Variants in SRPK2 observed in about 807,000 individuals in gnomAD.
SRPK2 encodes SRSF protein kinase 2.
SRPK2 carries 21 observed loss-of-function variants against 90.8 expected under a neutral mutation model. The observed-to-expected ratio is 0.23, with a 90% CI of 0.16 to 0.33. The LOEUF is 0.33. SRPK2 is among the 10% of genes least tolerant of loss of function. The probability of loss-of-function intolerance (pLI) is 1.00; values close to 1 mark genes in which losing one functional copy is unlikely to be tolerated. For synonymous variants in SRPK2, 288 were observed against 311.1 expected, an observed-to-expected ratio of 0.93 and a Z score of 0.78; for missense variants, 620 against 869.0, an observed-to-expected ratio of 0.71 and a Z score of 3.60.
chr7:105,241,681 A>T (rs1800834417), intron 2 of SRPK2, among the ~76,000 whole-genome samples: 1 of 152,140 alleles, frequency 6.6e-6, no homozygotes, highest in South Asian at 2.1e-4. Context: ...CTACAAATCT[A>T]TCATCACGCA....
chr7:105,143,484 G>T, intron 9 of SRPK2, 154 bp from the exon 10 acceptor site: 1 of 956,374 alleles, frequency 1.0e-6, no homozygotes, highest in Non-Finnish European at 1.5e-6. Context: ...TTGTGGTAAG[G>T]CTTACGATAA....
intron 2 of SRPK2, among the ~76,000 whole-genome samples, chr7:105,306,957 A>G (rs1005408043): frequency 1.3e-5 from 2 of 152,248 alleles, no homozygotes. Context: ...AGTTCTGAAT[A>G]GAGAATACAA....
intron 2 of SRPK2, among the ~76,000 whole-genome samples, chr7:105,350,171 C>G (rs1429433963): frequency 6.9e-6 from 1 of 145,426 alleles, no homozygotes; most frequent in Admixed American, 7.0e-5. Context: ...CTCTCTGTCA[C>G]CCAGACTGGA....
chr7:105,250,680 G>A (rs970321134), intron 2 of SRPK2, among the ~76,000 whole-genome samples: 13 of 152,116 alleles, frequency 8.5e-5, no homozygotes, highest in Admixed American at 6.5e-4. Flanking sequence ...ATTTAAATTG[G>A]AAGAATATTT....
chr7:105,170,885 AAG>A (rs1563025546), intron 3 of SRPK2, among the ~76,000 whole-genome samples: 56 of 129,570 alleles, frequency 4.3e-4, no homozygotes, highest in Admixed American at 1.2e-3. Flanking sequence ...GAAAGAAAGA[AAG>A]AAAGAAAGAA....
chr7:105,251,133 A>C (rs1802428924), intron 2 of SRPK2, among the ~76,000 whole-genome samples: 1 of 152,218 alleles, frequency 6.6e-6, no homozygotes, highest in African/African-American at 2.4e-5. Context: ...TGTTGAAATG[A>C]AGTAACTATA....
Position 105,229,696 on chromosome 7 carries a change from A to C in SRPK2, c.72-25911T>G, listed in dbSNP as rs529452258. Among the ~76,000 whole-genome samples, 59 of 152,256 alleles carry C rather than the reference A, an allele frequency of 3.9e-4. 2 individuals are homozygous for C. The highest frequency in any genetic ancestry group is 3.4e-3 in the Middle Eastern group (1 of 294). Reference sequence around the variant, plus strand: ...AAGTCTTGGTTAGACTATTCCTCAGAGAACTGAGGTTAAGAGCTGAGAAAT... The same window carrying C: ...AAGTCTTGGTTAGACTATTCCTCAGCGAACTGAGGTTAAGAGCTGAGAAAT... On this transcript the variant is annotated intron_variant, in intron 2 of 15. Transcript: ENST00000393651.
At chr7:105,390,260 C>G (rs1307903666), upstream of SRPK2, among the ~76,000 whole-genome samples, 1 of 152,082 alleles carries the variant, frequency 6.6e-6, no homozygotes, top group Non-Finnish European at 1.5e-5. Flanking sequence ...AACATACAGG[C>G]CATATATATT....
chr7:105,371,351 A>T (rs1819663571), intron 2 of SRPK2, among the ~76,000 whole-genome samples: 1 of 152,160 alleles, frequency 6.6e-6, no homozygotes, highest in Non-Finnish European at 1.5e-5. Flanking sequence ...GACAGTAATA[A>T]ATGTAATTTG....
chr7:105,229,976 G>A (rs183856521), intron 2 of SRPK2, among the ~76,000 whole-genome samples: 24 of 152,334 alleles, frequency 1.6e-4, no homozygotes, highest in African/African-American at 5.8e-4. Flanking sequence ...TCAAGAAGAC[G>A]TGGGACTGAA....
chr7:105,308,731 T>C (rs1811395644), intron 2 of SRPK2, among the ~76,000 whole-genome samples: 1 of 152,300 alleles, frequency 6.6e-6, no homozygotes, highest in African/African-American at 2.4e-5. Context: ...TTTTACCATT[T>C]TGTCTAATTC....
At chr7:105,125,129 C>CAAAAAA (rs61616576) in intron 15 of SRPK2, among the ~76,000 whole-genome samples, 3 of 88,086 alleles carry the variant, frequency 3.4e-5, no homozygotes, top group African/African-American at 4.9e-5. Flanking sequence ...GACTCCATCT[C>CAAAAAA]AAAAAAAAAA....
chr7:105,335,680 G>A (rs1292569326), intron 2 of SRPK2, among the ~76,000 whole-genome samples: 2 of 149,422 alleles, frequency 1.3e-5, no homozygotes, highest in East Asian at 2.0e-4. Flanking sequence ...GCAGCCGGGC[G>A]CAGTGGCTCA....
At chr7:105,302,765 TAC>T (rs1371986739) in intron 2 of SRPK2, among the ~76,000 whole-genome samples, 1 of 152,152 alleles carries the variant, frequency 6.6e-6, no homozygotes, top group Non-Finnish European at 1.5e-5. Flanking sequence ...ATCTGCTAAA[TAC>T]ACTAGAAAGC....
chr7:105,168,132 T>C (rs754622274), intron 4 of SRPK2, 37 bp from the exon 5 acceptor site: 8 of 1,498,398 alleles, frequency 5.3e-6, no homozygotes, highest in South Asian at 2.4e-5. Context: ...TATTTATCTA[T>C]ATTATCAGTA....
chr7:105,180,259 A>G (rs954555644), intron 3 of SRPK2, among the ~76,000 whole-genome samples: 1 of 152,214 alleles, frequency 6.6e-6, no homozygotes, highest in South Asian at 2.1e-4. Flanking sequence ...TAGAGAGCCC[A>G]AAAATAATGC....
intron 7 of SRPK2, among the ~76,000 whole-genome samples, chr7:105,150,347 T>C (rs1584960721): frequency 6.6e-6 from 1 of 152,028 alleles, no homozygotes; most frequent in South Asian, 2.1e-4. Flanking sequence ...GGCGAAACCC[T>C]GTCTCTACTA....
chr7:105,365,931 T>G (rs1395533089), intron 2 of SRPK2, among the ~76,000 whole-genome samples: 1 of 151,974 alleles, frequency 6.6e-6, no homozygotes, highest in African/African-American at 2.4e-5. Context: ...CTCGGCTCAC[T>G]GCAACCGCTG....
intron 2 of SRPK2, among the ~76,000 whole-genome samples, chr7:105,351,653 A>G (rs893034850): frequency 6.6e-5 from 10 of 151,756 alleles, no homozygotes; most frequent in African/African-American, 2.4e-4. Flanking sequence ...AAATACAAAA[A>G]ATTAGCTGGG....
Sources: allele counts gnomAD v4.1 joint callset (sites outside exome capture counted in the v4.1 genomes callset), GRCh38; gene constraint gnomAD v4.1.1; transcripts MANE v1.5; gene names NCBI Gene and HGNC (gene_info 2026-07-23, HGNC 2026-07-21).